The following FMN1 variants were observed in gnomAD, a reference collection of about 807,000 sequenced individuals.
FMN1 encodes the protein formin 1.
In FMN1, 110 loss-of-function variants were observed where a neutral mutation model predicts 132.4. That is an observed-to-expected ratio of 0.83 (90% CI 0.71 to 0.97). The LOEUF is 0.97. Ranked by LOEUF, FMN1 falls within the 50% of genes least tolerant of loss-of-function variation. The probability of loss-of-function intolerance (pLI) is 0.00; values close to 1 mark genes in which losing one functional copy is unlikely to be tolerated. For missense variants in FMN1, 1,792 were observed against 1,705.3 expected (o/e 1.05, Z -0.90); for synonymous variants, 722 against 651.7 (o/e 1.11, Z -1.64).
intron 4 of FMN1, among the ~76,000 whole-genome samples, chr15:33,142,013 A>G (rs1206403575): frequency 6.6e-6 from 1 of 152,180 alleles, no homozygotes; most frequent in East Asian, 1.9e-4. Flanking sequence ...TACGCTGTTT[A>G]GTATAACTCT....
intron 6 of FMN1, among the ~76,000 whole-genome samples, chr15:33,010,791 CA>C (rs2034672300): frequency 6.6e-6 from 1 of 151,544 alleles, no homozygotes; most frequent in Non-Finnish European, 1.5e-5. Flanking sequence ...AAAAGAAAAG[CA>C]TAACACTTAC....
At chr15:33,074,320 T>C (rs773743609) in intron 5 of FMN1, among the ~76,000 whole-genome samples, 3 of 152,216 alleles carry the variant, frequency 2.0e-5, no homozygotes, top group Non-Finnish European at 4.4e-5. Context: ...AGAGATACCC[T>C]TACACATCTA....
chr15:32,788,541 G>A (rs867016919), intron 19 of FMN1, among the ~76,000 whole-genome samples: 4 of 152,196 alleles, frequency 2.6e-5, no homozygotes, highest in African/African-American at 9.7e-5. Flanking sequence ...AGGAAACAGG[G>A]AAGATTGTCT....
chr15:32,858,088 A>G (rs1383390317), intron 16 of FMN1, among the ~76,000 whole-genome samples: 1 of 152,236 alleles, frequency 6.6e-6, no homozygotes, highest in Non-Finnish European at 1.5e-5. Context: ...GGGTTCACAA[A>G]ATAGAGAAAC....
intron 6 of FMN1, among the ~76,000 whole-genome samples, chr15:33,047,034 C>T (rs1027156682): frequency 2.6e-5 from 4 of 152,226 alleles, no homozygotes; most frequent in Admixed American, 2.0e-4. Flanking sequence ...ATGAGATCTC[C>T]ATTTTGTTTT....
At chr15:32,949,010 GATCT>G (rs1260080357) in intron 9 of FMN1, among the ~76,000 whole-genome samples, 2 of 151,524 alleles carry the variant, frequency 1.3e-5, no homozygotes, top group Admixed American at 6.6e-5. Flanking sequence ...ACTGATTTTT[GATCT>G]ATCTTTTGCT....
chr15:32,958,761 G>C (rs936282091), intron 9 of FMN1, among the ~76,000 whole-genome samples: 12 of 152,148 alleles, frequency 7.9e-5, no homozygotes, highest in Non-Finnish European at 1.5e-4. Context: ...GATATTCATG[G>C]CTGGGTGCAG....
At chr15:32,946,382 T>C (rs2140469070) in intron 9 of FMN1, among the ~76,000 whole-genome samples, 1 of 152,290 alleles carries the variant, frequency 6.6e-6, no homozygotes, top group African/African-American at 2.4e-5. Context: ...CCAGAGGTTC[T>C]CTTAGATCAA....
chr15:32,979,144 C>A (rs1234544114), intron 7 of FMN1, among the ~76,000 whole-genome samples: 2 of 152,138 alleles, frequency 1.3e-5, no homozygotes, highest in Admixed American at 1.3e-4. Context: ...CATAGTGGTG[C>A]TGTATAAACC....
chr15:32,893,190 T>C (rs2060073920), intron 15 of FMN1, among the ~76,000 whole-genome samples: 1 of 152,234 alleles, frequency 6.6e-6, no homozygotes. Context: ...TTCCCCCATC[T>C]TCATATACTT....
rs142630454 is a variant in FMN1 at position 32,864,771 on chromosome 15, G to A, written c.3836-7664C>T. On this transcript the variant is annotated intron_variant, in intron 16 of 20. Coordinates refer to ENST00000616417, the MANE Select transcript of FMN1 (RefSeq NM_001277313.2). ...GCCTTTTTATATCTACACATACATA[G>A]TGTCTATGCCTCAAAAGCTAATTAG... Among the ~76,000 whole-genome samples the A allele has an allele frequency of 2.2e-3, 342 of 152,294 alleles. 1 individual carries two copies. Among genetic ancestry groups the A allele is most frequent in the Non-Finnish European group, 4.0e-3 (271 of 68,026 alleles).
intron 4 of FMN1, among the ~76,000 whole-genome samples, chr15:33,112,708 A>G (rs1348408377): frequency 1.3e-5 from 2 of 152,170 alleles, no homozygotes; most frequent in African/African-American, 4.8e-5. Context: ...AGTACGTGAT[A>G]ACAGTCACGG....
chr15:33,064,755 T>G, intron 6 of FMN1: 1 of 403,894 alleles, frequency 2.5e-6, no homozygotes. Flanking sequence ...TTCATTCCAC[T>G]GCATTCATCT....
At chr15:33,078,092 G>A (rs1284910820) in intron 5 of FMN1, among the ~76,000 whole-genome samples, 1 of 152,214 alleles carries the variant, frequency 6.6e-6, no homozygotes, top group East Asian at 1.9e-4. Flanking sequence ...GGGACATATT[G>A]GGGTTTAGCA....
chr15:32,803,665 T>A (rs745882793), intron 18 of FMN1, among the ~76,000 whole-genome samples: 1 of 152,108 alleles, frequency 6.6e-6, no homozygotes, highest in Non-Finnish European at 1.5e-5. Context: ...AATATCCTCC[T>A]CTAGAAGCTG....
At chr15:33,010,341 C>T (rs2034646523) in intron 6 of FMN1, among the ~76,000 whole-genome samples, 1 of 151,972 alleles carries the variant, frequency 6.6e-6, no homozygotes, top group Non-Finnish European at 1.5e-5. Flanking sequence ...TGCAAAGTGG[C>T]AGCAAGCAAA....
chr15:33,006,990 T>C (rs2034451527), intron 7 of FMN1, among the ~76,000 whole-genome samples: 3 of 152,144 alleles, frequency 2.0e-5, no homozygotes, highest in South Asian at 2.1e-4. Flanking sequence ...CTGTACAACA[T>C]GGTGACTATA....
chr15:33,141,234 C>T (rs2468749), intron 4 of FMN1, among the ~76,000 whole-genome samples: 56,907 of 152,082 alleles, frequency 0.37, 11,082 homozygotes, highest in East Asian at 0.66. Flanking sequence ...GAAACCCTTT[C>T]CTAATCCTTC....
chr15:33,099,722 T>G (rs1047445151), intron 4 of FMN1, among the ~76,000 whole-genome samples: 3 of 152,208 alleles, frequency 2.0e-5, no homozygotes, highest in African/African-American at 7.2e-5. Context: ...CACCTGCAAT[T>G]GGCATCCCCA....
Sources: gnomAD v4.1 joint callset for allele counts (sites outside exome capture counted in the v4.1 genomes callset) on GRCh38, gnomAD v4.1.1 for gene constraint, MANE v1.5 for transcripts, NCBI Gene and HGNC (gene_info 2026-07-23, HGNC 2026-07-21) for gene names.